PRKD1: variants seen among roughly 807,000 people sequenced by gnomAD.
The protein encoded by PRKD1 is protein kinase D1, also known as serine/threonine-protein kinase D1.
A neutral mutation model predicts 95.9 loss-of-function variants in PRKD1; 63 were observed. The ratio of observed to expected loss-of-function variants is 0.66; its 90% CI spans 0.54 to 0.81. The LOEUF (loss-of-function observed/expected upper bound fraction) is 0.81. Among genes scored for constraint, PRKD1 ranks in the 30% least tolerant of loss-of-function variants. The pLI, the probability that PRKD1 is intolerant of heterozygous loss-of-function variation, is 0.00. For synonymous variants in PRKD1, 425 were observed against 423.1 expected (o/e 1.00, Z -0.05); for missense variants, 1,048 against 1,165.3 (o/e 0.90, Z 1.47).
intron 1 of PRKD1, among the ~76,000 whole-genome samples, chr14:29,743,450 A>C (rs561823854): frequency 6.6e-6 from 1 of 152,310 alleles, no homozygotes; most frequent in East Asian, 1.9e-4. Flanking sequence ...TAGTTTGAAC[A>C]CAGAGAACCA....
At chr14:29,629,006 A>G in intron 11 of PRKD1, 35 bp downstream of exon 11, 1 of 1,414,608 alleles carries the variant, frequency 7.1e-7, no homozygotes, top group Non-Finnish European at 9.6e-7. Context: ...CAGTAATCAC[A>G]TTAGCAAGTT....
At chr14:29,835,177 A>T (rs1209295797) in intron 1 of PRKD1, among the ~76,000 whole-genome samples, 1 of 151,986 alleles carries the variant, frequency 6.6e-6, no homozygotes, top group Admixed American at 6.6e-5. Flanking sequence ...AAACAAATTC[A>T]TTTTATGGAA....
At chr14:29,622,302 G>C (rs1304423495) in intron 13 of PRKD1, among the ~76,000 whole-genome samples, 1 of 151,980 alleles carries the variant, frequency 6.6e-6, no homozygotes, top group Non-Finnish European at 1.5e-5. Flanking sequence ...CACGGCCTGG[G>C]GACTGAGGAC....
chr14:29,851,388 A>G (rs1892301886), intron 1 of PRKD1, among the ~76,000 whole-genome samples: 1 of 151,916 alleles, frequency 6.6e-6, no homozygotes, highest in Non-Finnish European at 1.5e-5. Context: ...AAAAGAACAA[A>G]AACAAAAACA....
At chr14:29,623,500 A>G (rs2139088213) in intron 13 of PRKD1, among the ~76,000 whole-genome samples, 1 of 152,360 alleles carries the variant, frequency 6.6e-6, no homozygotes, top group African/African-American at 2.4e-5. Flanking sequence ...AATGATCTCA[A>G]CTGAGTAGAC....
chr14:29,641,745 T>C (rs563095642), intron 4 of PRKD1, among the ~76,000 whole-genome samples: 1 of 152,278 alleles, frequency 6.6e-6, no homozygotes, highest in Non-Finnish European at 1.5e-5. Flanking sequence ...ACAAGGACTT[T>C]GTTGATACAT....
chr14:29,730,935 A>G (rs1339509007), intron 1 of PRKD1, among the ~76,000 whole-genome samples: 2 of 152,138 alleles, frequency 1.3e-5, no homozygotes, highest in Non-Finnish European at 2.9e-5. Context: ...CTATTGTATA[A>G]TGAGGTGACT....
At chr14:29,716,339 C>CA (rs1198844204) in intron 2 of PRKD1, among the ~76,000 whole-genome samples, 1 of 152,092 alleles carries the variant, frequency 6.6e-6, no homozygotes, top group African/African-American at 2.4e-5. Context: ...GTATTGCTGA[C>CA]AGAGATCTAT....
chr14:29,870,203 C>T lies in PRKD1; in HGVS notation c.264+57046G>A, dbSNP rs577071256. ...CCTCTTCAGCTGCACCCCCTTTCCT[C>T]GTGCATTCATGGATGCCAAAATCAG... On this transcript the variant is annotated intron_variant, in intron 1 of 17. Transcript: ENST00000331968. Among the ~76,000 whole-genome samples, 4 of 152,310 alleles carry T rather than the reference C, an allele frequency of 2.6e-5. No homozygotes were observed. The South Asian group carries it at 8.3e-4, about 32-fold the overall frequency.
chr14:29,615,215 A>AT (rs1878771899), intron 13 of PRKD1, among the ~76,000 whole-genome samples: 1 of 152,160 alleles, frequency 6.6e-6, no homozygotes, highest in Non-Finnish European at 1.5e-5. Flanking sequence ...AGGGTATCGA[A>AT]TGTCTATAAT....
At chr14:29,848,029 C>T (rs370555075) in intron 1 of PRKD1, among the ~76,000 whole-genome samples, 12 of 152,202 alleles carry the variant, frequency 7.9e-5, no homozygotes, top group Middle Eastern at 3.4e-3. Context: ...TGAAGGCTTA[C>T]GACTAAGAAT....
At chr14:29,880,468 T>C (rs948659011) in intron 1 of PRKD1, among the ~76,000 whole-genome samples, 4 of 152,026 alleles carry the variant, frequency 2.6e-5, no homozygotes, top group African/African-American at 9.7e-5. Context: ...AGGCAAAAGT[T>C]TGCTGCATGA....
At chr14:29,812,625 C>G (rs959087262) in intron 1 of PRKD1, among the ~76,000 whole-genome samples, 1 of 152,018 alleles carries the variant, frequency 6.6e-6, no homozygotes, top group Non-Finnish European at 1.5e-5. Context: ...AGTGAGAGCA[C>G]AGGAAAAAGT....
chr14:29,705,027 T>C (rs1885012880), intron 2 of PRKD1, among the ~76,000 whole-genome samples: 2 of 151,846 alleles, frequency 1.3e-5, no homozygotes, highest in African/African-American at 4.8e-5. Flanking sequence ...CTGACAAGAG[T>C]GGAAAATCTC....
chr14:29,826,840 C>T (rs10137006), intron 1 of PRKD1, among the ~76,000 whole-genome samples: 2,140 of 15,290 alleles, frequency 0.14, 451 homozygotes, highest in Non-Finnish European at 0.19. Flanking sequence ...TATATATATA[C>T]ACACATATAT....
chr14:29,826,788 TACAC>T lies in PRKD1; in HGVS notation c.264+100457_264+100460del, dbSNP rs1462302814. Among the ~76,000 whole-genome samples, 23 of 40,966 alleles carry T rather than the reference TACAC, an allele frequency of 5.6e-4. 1 individual carries two copies. Among genetic ancestry groups the T allele is most frequent in the South Asian group, 9.2e-4 (1 of 1,088 alleles). 26.9% of individuals were successfully genotyped at this position (40,966 alleles called of 152,430 possible). A position where few individuals can be genotyped will look rare whatever the true frequency, so the allele number is the denominator to read the frequency against. ...ATATATACACATATATATACATATA[TACAC>T]ATATATATACACATATATATACACA... On this transcript the variant is annotated intron_variant, in intron 1 of 17. Coordinates refer to ENST00000331968, the MANE Select transcript of PRKD1 (RefSeq NM_002742.3).
At chr14:29,845,874 C>T (rs1277775988) in intron 1 of PRKD1, among the ~76,000 whole-genome samples, 1 of 152,162 alleles carries the variant, frequency 6.6e-6, no homozygotes, top group Admixed American at 6.6e-5. Flanking sequence ...CCCCTGCCAA[C>T]TGGAGGCCCA....
chr14:29,663,745 G>A lies in PRKD1; in HGVS notation c.650C>T (p.Thr217Ile). ...ACTTGTAGAGAGTTCAGCAGATGAT[G>A]TGCGGATGGTGCTGACCCCAGTGAG... ...VSLTGVSTIR[T>I]SSAELSTSAP... is the part of the protein sequence containing the mutation. The change falls in exon 4 of 18, where the codon ACA becomes ATA. Residue 217 changes from threonine to isoleucine, a missense_variant. By Grantham distance (89) the Thr-to-Ile change is moderately conservative. This residue lies in a region of PRKD1 where 275 missense variants were observed against 248.6 expected (regional missense o/e 1.11). Transcript: ENST00000331968. 1 of 1,614,040 alleles carries A rather than the reference G, an allele frequency of 6.2e-7. No individual in the cohort carries two copies. Among genetic ancestry groups the A allele is most frequent in the Non-Finnish European group, 8.5e-7 (1 of 1,179,948 alleles).
At chr14:29,619,396 G>T (rs17115078) in intron 13 of PRKD1, among the ~76,000 whole-genome samples, 65,032 of 151,956 alleles carry the variant, frequency 0.43, 14,406 homozygotes, top group African/African-American at 0.53. Flanking sequence ...ATAAGATGGT[G>T]TTTCTGTACA....
Sources: gnomAD v4.1 joint callset for allele counts (sites outside exome capture counted in the v4.1 genomes callset) on GRCh38, gnomAD v4.1.1 for gene constraint, gnomAD v4.1.1 regional missense constraint, MANE v1.5 for transcripts, NCBI Gene and HGNC (gene_info 2026-07-23, HGNC 2026-07-21) for gene names.